The following MYCBP2 variants were observed in gnomAD, a reference collection of about 807,000 sequenced individuals.
The protein encoded by MYCBP2 is MYC binding protein 2, also known as E3 ubiquitin-protein ligase MYCBP2.
MYCBP2 carries 120 observed loss-of-function variants against 525.3 expected under a neutral mutation model. The observed-to-expected ratio is 0.23, with a 90% confidence interval of 0.20 to 0.27. MYCBP2 has a LOEUF of 0.27. Among genes scored for constraint, MYCBP2 ranks in the 10% least tolerant of loss-of-function variants. MYCBP2 has a pLI of 1.00. For synonymous variants in MYCBP2, 1,894 were observed against 1,955.8 expected (o/e 0.97, Z 0.83); for missense variants, 4,149 against 5,657.1 (o/e 0.73, Z 8.55).
chr13:77,155,613 A>T (rs2057115634), intron 46 of MYCBP2, among the ~76,000 whole-genome samples: 1 of 152,166 alleles, frequency 6.6e-6, no homozygotes, highest in African/African-American at 2.4e-5. Context: ...ATTCTTTTAC[A>T]ATCTAAACTC....
Position 77,070,627 on chromosome 13 carries a change from C to G in MYCBP2, c.11904+4G>C, listed in dbSNP as rs372223660. 2.1e-5 allele frequency: 33 copies of G among 1,597,604 alleles called. No homozygotes were observed. The highest frequency in any genetic ancestry group is 1.0e-4 in the Admixed American group (6 of 58,988). ...TGAAGACAATGAAATAGCTGTTAAC[C>G]AACCTGTTTTTGTAAGTTAGTCAGC... On this transcript the variant is annotated splice_donor_region_variant and intron_variant, in intron 69 of 82. Transcript: ENST00000544440.
chr13:77,263,264 A>G (rs1407679953), intron 10 of MYCBP2, among the ~76,000 whole-genome samples: 1 of 152,048 alleles, frequency 6.6e-6, no homozygotes, highest in East Asian at 1.9e-4. Flanking sequence ...CGAGAGAACT[A>G]TGTATATTGT....
chr13:77,182,354 T>C (rs1156356403), intron 32 of MYCBP2, among the ~76,000 whole-genome samples: 1 of 152,204 alleles, frequency 6.6e-6, no homozygotes, highest in Non-Finnish European at 1.5e-5. Flanking sequence ...CACATTTCAC[T>C]AAGGTCACAA....
chr13:77,321,357 AG>A (rs2081587895), intron 1 of MYCBP2, among the ~76,000 whole-genome samples: 1 of 152,254 alleles, frequency 6.6e-6, no homozygotes, highest in Admixed American at 6.5e-5. Context: ...TACACTATAC[AG>A]GATTCCACTG....
chr13:77,307,058 A>G (rs924360164), intron 1 of MYCBP2, among the ~76,000 whole-genome samples: 2 of 152,214 alleles, frequency 1.3e-5, no homozygotes, highest in African/African-American at 4.8e-5. Context: ...ACACAGCTGA[A>G]TAGAAAATTT....
In MYCBP2 at chr13:77,166,313, G is replaced by GA. The variant is rs3832881; in HGVS notation, c.6340+15dup. Reference sequence around the variant, plus strand: ...ACTTATTTTACCACATAAAACAGAAGAAAAAAAAAACTTACCTGGCAACAC... The same window carrying GA: ...ACTTATTTTACCACATAAAACAGAAGAAAAAAAAAAACTTACCTGGCAACAC... On this transcript the variant is annotated intron_variant, in intron 41 of 82. Coordinates refer to ENST00000544440, the MANE Select transcript of MYCBP2 (RefSeq NM_015057.5). The GA allele has an allele frequency of 0.02, 25,781 of 1,270,746 alleles. 1 individual carries two copies. Among genetic ancestry groups the GA allele is most frequent in the South Asian group, 0.032 (2,138 of 66,812 alleles). 78.7% of individuals were successfully genotyped at this position (1,270,746 alleles called of 1,614,324 possible).
intron 80 of MYCBP2, among the ~76,000 whole-genome samples, chr13:77,054,107 A>G (rs183105162): frequency 1.3e-5 from 2 of 152,296 alleles, no homozygotes; most frequent in East Asian, 3.9e-4. Flanking sequence ...GAGGTATGAC[A>G]AGACAGATTA....
At chr13:77,272,988 T>A (rs1163465815) in intron 5 of MYCBP2, among the ~76,000 whole-genome samples, 1 of 152,228 alleles carries the variant, frequency 6.6e-6, no homozygotes, top group East Asian at 1.9e-4. Context: ...CACAACTGAA[T>A]ATTAAAAGCC....
intron 6 of MYCBP2, 110 bp downstream of exon 6, chr13:77,270,186 A>T (rs1053316895): frequency 2.0e-5 from 29 of 1,429,772 alleles, no homozygotes; most frequent in South Asian, 6.9e-5. Context: ...AATAAATATT[A>T]TTACACTAAA....
chr13:77,307,020 A>G (rs2079517549), intron 1 of MYCBP2, among the ~76,000 whole-genome samples: 1 of 152,212 alleles, frequency 6.6e-6, no homozygotes, highest in African/African-American at 2.4e-5. Context: ...GACACTACAG[A>G]CTCCATAGGT....
intron 68 of MYCBP2, among the ~76,000 whole-genome samples, chr13:77,072,720 A>G (rs140691735): frequency 4.8e-4 from 73 of 152,342 alleles, no homozygotes; most frequent in South Asian, 1.2e-3. Context: ...TTAAAAAGAC[A>G]TAAGGGTATA....
At chr13:77,128,170 A>C (rs2052036310) in intron 52 of MYCBP2, among the ~76,000 whole-genome samples, 1 of 151,942 alleles carries the variant, frequency 6.6e-6, no homozygotes, top group African/African-American at 2.4e-5. Context: ...AATTGAGAGT[A>C]ACACAGGTCT....
At chr13:77,055,370 A>G (rs2037738944) in intron 80 of MYCBP2, among the ~76,000 whole-genome samples, 188 bp downstream of exon 80, 2 of 152,228 alleles carry the variant, frequency 1.3e-5, no homozygotes, top group African/African-American at 4.8e-5. Context: ...TTCAGGTTAA[A>G]TAAAGAATCC....
intron 16 of MYCBP2, 37 bp downstream of exon 16, chr13:77,243,769 C>A: frequency 6.3e-7 from 1 of 1,581,900 alleles, no homozygotes; most frequent in Admixed American, 1.8e-5. Context: ...GAGTTGAGGA[C>A]AACTCAGTGT....
intron 37 of MYCBP2, among the ~76,000 whole-genome samples, 162 bp downstream of exon 37, chr13:77,174,149 T>C (rs552719181): frequency 6.6e-6 from 1 of 152,370 alleles, no homozygotes; most frequent in Non-Finnish European, 1.5e-5. Flanking sequence ...TGAATTTATA[T>C]ATTAAAAAGA....
At chr13:77,134,148 T>C (rs1318926056) in intron 52 of MYCBP2, among the ~76,000 whole-genome samples, 3 of 151,950 alleles carry the variant, frequency 2.0e-5, no homozygotes, top group Non-Finnish European at 4.4e-5. Flanking sequence ...AACTTAAGAT[T>C]AGAAAAAAAT....
Position 77,066,017 on chromosome 13 carries a change from A to T in MYCBP2, c.12527T>A (p.Ile4176Asn). 1 of 1,613,160 alleles carries T rather than the reference A, an allele frequency of 6.2e-7. No individual in the cohort carries two copies. The highest frequency in any genetic ancestry group is 8.5e-7 in the Non-Finnish European group (1 of 1,179,406). ...STPTQISEII[I>N]KLIKDMAAGH... is the part of the protein sequence containing the mutation. ...TGCTGCCATATCCTTGATAAGTTTA[A>T]TGATGATCTCTGAGATCTGGGTAGG... is the stretch of plus-strand genomic sequence containing the variant. Residue 4176 changes from isoleucine to asparagine, a missense_variant, in exon 72 of 83, where the codon ATT (isoleucine) becomes AAT (asparagine). Coordinates refer to ENST00000544440, the MANE Select transcript of MYCBP2 (RefSeq NM_015057.5).
At chr13:77,047,815 G>T (rs979296448) in intron 82 of MYCBP2, among the ~76,000 whole-genome samples, 2 of 152,080 alleles carry the variant, frequency 1.3e-5, no homozygotes. Flanking sequence ...CCAGGGTCCC[G>T]GGCCAAGCTG....
At chr13:77,251,058 G>GA in intron 15 of MYCBP2, 93 bp downstream of exon 15, 1 of 1,163,932 alleles carries the variant, frequency 8.6e-7, no homozygotes, top group South Asian at 1.6e-5. Context: ...TGGTCTTTAA[G>GA]AAAAAAATAT....
Sources: gnomAD v4.1 joint callset for allele counts (sites outside exome capture counted in the v4.1 genomes callset) on GRCh38, gnomAD v4.1.1 for gene constraint, MANE v1.5 for transcripts, NCBI Gene and HGNC (gene_info 2026-07-23, HGNC 2026-07-21) for gene names.